Variants in GPR162 observed in about 807,000 individuals in gnomAD.
The protein encoded by GPR162 is G protein-coupled receptor 162.
A neutral mutation model predicts 44.9 loss-of-function variants in GPR162; 26 were observed. That is an observed-to-expected ratio of 0.58 (90% confidence interval 0.42 to 0.80). The LOEUF is 0.80. Ranked by LOEUF, GPR162 falls within the 30% of genes least tolerant of loss-of-function variation. GPR162 has a pLI of 0.00. For missense variants in GPR162, 704 were observed against 802.3 expected, an observed-to-expected ratio of 0.88 and a Z score of 1.48; for synonymous variants, 363 against 335.2, an observed-to-expected ratio of 1.08 and a Z score of -0.91.
rs1943373754 is a variant in GPR162 at position 6,827,097 on chromosome 12, C to T, written c.1660C>T (p.Leu554=). 6.2e-7 allele frequency: 1 copy of T among 1,613,296 alleles called. No individual in the cohort carries two copies. The highest frequency in any genetic ancestry group is 1.3e-5 in the African/African-American group (1 of 74,944). ...ESRAVGLPLG[L]SAGRRCSLTG... ...CAGAGCCGTTGGACTTCCTTTGGGACTAAGCGCAGGGAGACGCTGCTCCCT... is the reference window on the plus strand; with the variant it reads ...CAGAGCCGTTGGACTTCCTTTGGGATTAAGCGCAGGGAGACGCTGCTCCCT... Residue 554 remains leucine, a synonymous_variant, in exon 5 of 5, where the codon CTA becomes TTA. Transcript: ENST00000311268.
In GPR162 at chr12:6,826,928, T is replaced by C. The variant is rs781812109; in HGVS notation, c.1491T>C (p.Gly497=). Residue 497 remains glycine (G), a synonymous_variant, in exon 5 of 5, where the codon GGT becomes GGC. Coordinates refer to ENST00000311268, the MANE Select transcript of GPR162 (RefSeq NM_019858.2). ...GGTCAGGTGGGGGACCCCCACGGGG[T>C]CCTGGCTTCTTCCGGGAGGAGATCA... is the stretch of plus-strand genomic sequence containing the variant. The part of the protein sequence containing the change: ...VLGSGGGPPR[G]PGFFREEITT... 6 of 1,613,114 alleles carry C rather than the reference T, an allele frequency of 3.7e-6. No individual in the cohort carries two copies.
intron 2 of GPR162, chr12:6,825,106 G>T (rs1474872959): frequency 5.4e-6 from 3 of 558,462 alleles, no homozygotes; most frequent in Non-Finnish European, 9.8e-6. Flanking sequence ...CAGCCGCTGG[G>T]CTCCACTCTC....
chr12:6,826,407 C>T (rs971579872), intron 4 of GPR162, 54 bp downstream of exon 4: 568 of 1,521,174 alleles, frequency 3.7e-4, no homozygotes, highest in Middle Eastern at 6.9e-4. Flanking sequence ...TCACTTTTCT[C>T]CAGTGTCTGT....
In GPR162 at chr12:6,823,554, C is replaced by A; in HGVS notation, c.-345C>A. On this transcript the variant is annotated 5_prime_UTR_variant, in exon 2 of 5. In the 5' UTR this introduces an upstream ATG that the reference lacks. Transcript: ENST00000311268. ...GTCAAGAACCAGAGGCAAAAGAGAC[C>A]TGGAAGTCCCAGCATGGGGACCAGA... 1.9e-6 allele frequency: 1 copy of A among 526,144 alleles called. No homozygotes were observed. Among genetic ancestry groups the A allele is most frequent in the Non-Finnish European group, 3.4e-6 (1 of 295,846 alleles). The allele number at this position is 526,144 out of a possible 1,614,324, so 32.6% of individuals were successfully genotyped here.
At position 6,826,691 on chromosome 12, in the gene GPR162, C is replaced by G. The variant is rs1420087160; in HGVS notation, c.1254C>G (p.Asn418Lys). The change falls in exon 5 of 5, where the codon AAC becomes AAG. Residue 418 changes from asparagine to lysine, a missense_variant. Asn to Lys is a moderately conservative substitution (Grantham distance 94). Coordinates refer to ENST00000311268, the MANE Select transcript of GPR162 (RefSeq NM_019858.2). ...GGCGTCTGTCCCATGATGAGACAAA[C>G]ATCTTCTCTACCCCTCGGGAACCAG... Reference protein sequence around the residue: ...LSRRLSHDETNIFSTPREPGS... With the variant: ...LSRRLSHDETKIFSTPREPGS... 4.6e-6 allele frequency: 7 copies of G among 1,533,562 alleles called. No individual in the cohort carries two copies. In the African/African-American group the frequency reaches 9.7e-5, roughly 21 times the overall value. 95.0% of individuals were successfully genotyped at this position (1,533,562 alleles called of 1,614,324 possible).
chr12:6,825,902 C>G (rs1943347719), intron 3 of GPR162, among the ~76,000 whole-genome samples: 1 of 152,232 alleles, frequency 6.6e-6, no homozygotes, highest in African/African-American at 2.4e-5. Context: ...GAAACCCACA[C>G]TGCCCAGCTC....
intron 4 of GPR162, 138 bp downstream of exon 4, chr12:6,826,491 C>A: frequency 9.3e-7 from 1 of 1,073,152 alleles, no homozygotes; most frequent in Non-Finnish European, 1.3e-6. Context: ...AAAGCTATAG[C>A]AAGAGAGGCA....
Position 6,823,955 on chromosome 12 carries a change from C to A in GPR162, c.57C>A (p.Ser19=). Residue 19 remains serine (S), a synonymous_variant, in exon 2 of 5, where the codon TCC becomes TCA. Coordinates refer to ENST00000311268, the MANE Select transcript of GPR162 (RefSeq NM_019858.2). ...EEASLRSNAL[S]WLACGLLALL... is the part of the protein sequence containing the mutation. The stretch of plus-strand genomic sequence containing the variant: ...CCTCCCTGCGCTCCAACGCATTGTC[C>A]TGGCTGGCCTGTGGGCTCCTGGCGC... 1.9e-6 allele frequency: 3 copies of A among 1,594,038 alleles called. No individual in the cohort carries two copies. Among genetic ancestry groups the A allele is most frequent in the East Asian group, 4.5e-5 (2 of 44,372 alleles).
rs1943283826 is a variant in GPR162, at chr12:6,821,871, CAT to C, written c.-460_-459del. On this transcript the variant is annotated 5_prime_UTR_variant, in exon 1 of 5. It removes an upstream start codon present in the reference 5' UTR. Coordinates refer to ENST00000311268, the MANE Select transcript of GPR162 (RefSeq NM_019858.2). ...AGAGCCGCGTCGGGAGTGCGGTCTC[CAT>C]GGCAGTGCTGGGCGCAGCCGGAGAG... 1 of 152,556 alleles carries C rather than the reference CAT, an allele frequency of 6.6e-6. No homozygotes were observed. The highest frequency in any genetic ancestry group is 1.5e-5 in the Non-Finnish European group (1 of 68,344). 9.5% of individuals were successfully genotyped at this position (152,556 alleles called of 1,614,324 possible). A position where few individuals can be genotyped will look rare whatever the true frequency, so the allele number is the denominator to read the frequency against.
chr12:6,823,576 C>T lies in GPR162; in HGVS notation c.-323C>T. The stretch of plus-strand genomic sequence containing the variant: ...GACCTGGAAGTCCCAGCATGGGGAC[C>T]AGAACCCCCCAGCCAGCCTCATAGT... On this transcript the variant is annotated 5_prime_UTR_variant, in exon 2 of 5. Coordinates refer to ENST00000311268, the MANE Select transcript of GPR162 (RefSeq NM_019858.2). 1.9e-6 allele frequency: 1 copy of T among 538,916 alleles called. No homozygotes were observed. Among genetic ancestry groups the T allele is most frequent in the African/African-American group, 1.9e-5 (1 of 52,460 alleles). The allele number at this position is 538,916 out of a possible 1,614,324, so 33.4% of individuals were successfully genotyped here.
chr12:6,823,160 G>A (rs1555119416), intron 1 of GPR162, among the ~76,000 whole-genome samples: 1 of 152,248 alleles, frequency 6.6e-6, no homozygotes, highest in Non-Finnish European at 1.5e-5. Context: ...GAAGATAGGG[G>A]TGGAGTAGTG....
At position 6,823,761 on chromosome 12, in the gene GPR162, G is replaced by A. The variant is rs781896772; in HGVS notation, c.-138G>A. On this transcript the variant is annotated 5_prime_UTR_variant, in exon 2 of 5. Transcript: ENST00000311268. ...GGTCCATCATGCAATGCTGAGCACT[G>A]GGGTGAGCCTGGGGGCAGCCTGCCT... The A allele has an allele frequency of 3.7e-6, 6 of 1,613,178 alleles. No individual in the cohort carries two copies. The highest frequency in any genetic ancestry group is 3.3e-5 in the South Asian group (3 of 90,980).
Position 6,824,161 on chromosome 12 carries a change from G to C in GPR162, c.263G>C (p.Ser88Thr). The C allele has an allele frequency of 1.2e-6, 2 of 1,614,022 alleles. No homozygotes were observed. Among genetic ancestry groups the C allele is most frequent in the Non-Finnish European group, 1.7e-6 (2 of 1,180,034 alleles). ...TCCTCCGACTATGACTGGAACGAGA[G>C]TATCTGCAAGGTCTTCGTGTCCACC... ...QASSDYDWNE[S>T]ICKVFVSTYY... Residue 88 changes from serine to threonine, a missense_variant, in exon 2 of 5, where the codon AGT (serine) becomes ACT (threonine). Physicochemically the swap from Ser to Thr is moderately conservative, Grantham distance 58. This residue lies in a region of GPR162 where 110 missense variants were observed against 206.2 expected (regional missense o/e 0.53). Transcript: ENST00000311268.
intron 2 of GPR162, chr12:6,825,134 G>A (rs874627): frequency 6.1e-5 from 32 of 525,000 alleles, no homozygotes; most frequent in Non-Finnish European, 9.7e-5. Flanking sequence ...TCCTTCCCTC[G>A]GGCTGCCACA....
At chr12:6,825,033 G>A in intron 2 of GPR162, 4 of 656,706 alleles carry the variant, frequency 6.1e-6, no homozygotes, top group Non-Finnish European at 1.1e-5. Flanking sequence ...TCAGTTCCAC[G>A]ACCTGTCCTC....
In GPR162 at chr12:6,822,058, C is replaced by G. The variant is rs782471933; in HGVS notation, c.-432+158C>G. ...GGAGGGAGGAGCCGCCTGACCTTAC[C>G]CCTTCACCCCAAAGGGCGAGGGACC... On this transcript the variant is annotated intron_variant, in intron 1 of 4. Coordinates refer to ENST00000311268, the MANE Select transcript of GPR162 (RefSeq NM_019858.2). The surrounding 1 kb of genome is among the most constrained non-coding windows in gnomAD (Gnocchi z 4.2). Among the ~76,000 whole-genome samples the G allele has an allele frequency of 6.6e-6, 1 of 152,300 alleles. No homozygotes were observed. Among genetic ancestry groups the G allele is most frequent in the East Asian group, 1.9e-4 (1 of 5,178 alleles).
At position 6,824,129 on chromosome 12, in the gene GPR162, T is replaced by C. The variant is rs1943318332; in HGVS notation, c.231T>C (p.Arg77=). ...CCTTTGCCGTGGTGCAGCTGCGTCG[T>C]CAGGCTTCCTCCGACTATGACTGGA... ...LTTFAVVQLR[R]QASSDYDWNE... Residue 77 remains arginine, a synonymous_variant, in exon 2 of 5, where the codon CGT becomes CGC. Transcript: ENST00000311268. 1 of 1,613,890 alleles carries C rather than the reference T, an allele frequency of 6.2e-7. No individual in the cohort carries two copies. The highest frequency in any genetic ancestry group is 1.3e-5 in the African/African-American group (1 of 74,932).
intron 2 of GPR162, chr12:6,824,997 C>T (rs1943334658): frequency 2.9e-6 from 2 of 691,670 alleles, no homozygotes; most frequent in Middle Eastern, 2.3e-4. Flanking sequence ...GCTTCAGTTC[C>T]CACTCCTCAG....
In GPR162 at chr12:6,825,567, G is replaced by A. The variant is rs943577304; in HGVS notation, c.951G>A (p.Thr317=). ...LAVLWCSMAQ[T]LLLPSFIWSC... Reference sequence around the variant, plus strand: ...TGCTGTGGTGCTCCATGGCACAGACGCTGCTGCTGCCCTCCTTCATCTGGT... The same window carrying A: ...TGCTGTGGTGCTCCATGGCACAGACACTGCTGCTGCCCTCCTTCATCTGGT... Residue 317 remains threonine (T), a synonymous_variant, in exon 3 of 5, where the codon ACG becomes ACA. Transcript: ENST00000311268. 6.2e-7 allele frequency: 1 copy of A among 1,608,790 alleles called. No individual in the cohort carries two copies. The highest frequency in any genetic ancestry group is 1.3e-5 in the African/African-American group (1 of 74,782).
Sources: allele counts gnomAD v4.1 joint callset (sites outside exome capture counted in the v4.1 genomes callset), GRCh38; gene constraint gnomAD v4.1.1; regional missense constraint gnomAD v4.1.1; non-coding constraint Gnocchi (gnomAD v3.1); transcripts MANE v1.5; gene names NCBI Gene and HGNC (gene_info 2026-07-23, HGNC 2026-07-21).